Variants in COL21A1 observed in about 807,000 individuals in gnomAD.
The protein encoded by COL21A1 is collagen type XXI alpha 1 chain, also known as collagen alpha-1(XXI) chain.
In COL21A1, 149 loss-of-function variants were observed where a neutral mutation model predicts 137.9. That is an observed-to-expected ratio of 1.08 (90% CI 0.95 to 1.24). COL21A1 has a LOEUF of 1.24. Ranked by LOEUF, COL21A1 falls within the 50% of genes most tolerant of loss-of-function variation. COL21A1 has a pLI of 0.00. For missense variants in COL21A1, 1,167 were observed against 1,158.4 expected (o/e 1.01, Z -0.11); for synonymous variants, 456 against 391.5 (o/e 1.16, Z -1.95).
intron 19 of COL21A1, among the ~76,000 whole-genome samples, chr6:56,074,547 A>G (rs567843545): frequency 2.4e-4 from 37 of 151,570 alleles, no homozygotes; most frequent in Non-Finnish European, 4.6e-4. Context: ...AATAGAGAAA[A>G]TGGAGAGCTA....
At chr6:56,290,916 G>A (rs1435995428) in intron 1 of COL21A1, among the ~76,000 whole-genome samples, 1 of 152,168 alleles carries the variant, frequency 6.6e-6, no homozygotes, top group Non-Finnish European at 1.5e-5. Flanking sequence ...GCTCCCAGGT[G>A]ATTCAAATGT....
intron 1 of COL21A1, among the ~76,000 whole-genome samples, chr6:56,194,709 C>T (rs1045092630): frequency 6.6e-6 from 1 of 151,996 alleles, no homozygotes; most frequent in African/African-American, 2.4e-5. Flanking sequence ...TTTAGCATTC[C>T]CATATCTCAA....
chr6:56,309,446 A>G (rs1161870934), intron 1 of COL21A1, among the ~76,000 whole-genome samples: 1 of 152,156 alleles, frequency 6.6e-6, no homozygotes, highest in Non-Finnish European at 1.5e-5. Context: ...GTTTAGAGAG[A>G]GTGTCTTTGA....
chr6:56,097,731 A>C (rs923945695), intron 17 of COL21A1, among the ~76,000 whole-genome samples: 5 of 138,906 alleles, frequency 3.6e-5, no homozygotes, highest in Non-Finnish European at 7.6e-5. Flanking sequence ...GCATCTTCTA[A>C]GCACTCCTCA....
chr6:56,134,016 T>C (rs1773784364), intron 12 of COL21A1, among the ~76,000 whole-genome samples: 1 of 152,010 alleles, frequency 6.6e-6, no homozygotes, highest in Non-Finnish European at 1.5e-5. Flanking sequence ...GCCCCCAGAG[T>C]CCCTACTGGG....
intron 12 of COL21A1, among the ~76,000 whole-genome samples, chr6:56,130,183 A>ATTTATATATATATATATATATATATATT (rs1225329293): frequency 4.2e-5 from 1 of 23,862 alleles, no homozygotes; most frequent in African/African-American, 1.3e-4. Context: ...ATATATATAT[A>ATTTATATATATATATATATATATATATT]TATATATATA....
chr6:56,233,800 C>CAAA (rs60424635), intron 1 of COL21A1, among the ~76,000 whole-genome samples: 88 of 149,534 alleles, frequency 5.9e-4, no homozygotes, highest in Non-Finnish European at 7.4e-4. Flanking sequence ...AAGAATAGAG[C>CAAA]AAAAAAATCC....
At chr6:56,152,965 C>T (rs1775438185) in intron 10 of COL21A1, among the ~76,000 whole-genome samples, 2 of 152,236 alleles carry the variant, frequency 1.3e-5, no homozygotes, top group East Asian at 3.9e-4. Flanking sequence ...TAAAACTCAG[C>T]TCACCCAGTG....
intron 1 of COL21A1, among the ~76,000 whole-genome samples, chr6:56,354,318 A>T (rs986090835): frequency 6.6e-6 from 1 of 152,202 alleles, no homozygotes; most frequent in African/African-American, 2.4e-5. Context: ...TGCATATTCC[A>T]GCTATACTTT....
chr6:56,106,882 G>T (rs1292924651), intron 16 of COL21A1, among the ~76,000 whole-genome samples: 1 of 152,036 alleles, frequency 6.6e-6, no homozygotes, highest in East Asian at 1.9e-4. Context: ...CGCCTCCCGG[G>T]TTCACGCCAT....
chr6:56,225,008 G>A (rs935312626), intron 1 of COL21A1, among the ~76,000 whole-genome samples: 1 of 151,520 alleles, frequency 6.6e-6, no homozygotes, highest in Admixed American at 6.6e-5. Context: ...TAATAAACAG[G>A]GAAAGAAAAA....
intron 1 of COL21A1, among the ~76,000 whole-genome samples, chr6:56,298,842 A>G (rs1764217201): frequency 6.6e-6 from 1 of 152,144 alleles, no homozygotes; most frequent in African/African-American, 2.4e-5. Flanking sequence ...TATTCAATTT[A>G]AGAAATGCAA....
chr6:56,153,854 G>T (rs1164553018), intron 10 of COL21A1, among the ~76,000 whole-genome samples: 1 of 152,066 alleles, frequency 6.6e-6, no homozygotes, highest in African/African-American at 2.4e-5. Context: ...AGAGCCCTGT[G>T]GTCAGTCCCC....
chr6:56,219,216 C>CAAAAAAAAAAA lies in COL21A1; in HGVS notation c.-39+28160_-39+28170dup, dbSNP rs386407160. On this transcript the variant is annotated intron_variant, in intron 1 of 29. Transcript: ENST00000244728. ...GCACTTCCCAAAGCCAAACTTGCAC[C>CAAAAAAAAAAA]AAAAAAAAAAAAAAAAAAAAAAAGG... 5.2e-5 allele frequency among the ~76,000 whole-genome samples: 4 copies of CAAAAAAAAAAA among 76,496 alleles called. 1 individual carries two copies. Among genetic ancestry groups the CAAAAAAAAAAA allele is most frequent in the Admixed American group, 1.7e-4 (1 of 5,872 alleles). 50.2% of individuals were successfully genotyped at this position (76,496 alleles called of 152,430 possible). A position where few individuals can be genotyped will look rare whatever the true frequency, so the allele number is the denominator to read the frequency against.
chr6:56,148,891 TC>T (rs1775057253), intron 10 of COL21A1, among the ~76,000 whole-genome samples: 2 of 152,198 alleles, frequency 1.3e-5, no homozygotes, highest in Non-Finnish European at 2.9e-5. Flanking sequence ...GTTATACACT[TC>T]TGAATGAATT....
chr6:56,171,220 T>TTCTC, intron 3 of COL21A1, 92 bp from the exon 4 acceptor site: 1 of 756,252 alleles, frequency 1.3e-6, no homozygotes, highest in South Asian at 2.5e-5. Flanking sequence ...AATATAGTAT[T>TTCTC]CTATCATTAG....
intron 1 of COL21A1, among the ~76,000 whole-genome samples, chr6:56,186,403 T>C (rs1778305242): frequency 6.6e-6 from 1 of 152,122 alleles, no homozygotes; most frequent in African/African-American, 2.4e-5. Flanking sequence ...TCACATTGAG[T>C]TGTGAAATAC....
intron 1 of COL21A1, among the ~76,000 whole-genome samples, chr6:56,377,360 T>C (rs570519849): frequency 1.3e-5 from 2 of 152,092 alleles, no homozygotes; most frequent in South Asian, 2.1e-4. Context: ...TCTCCCCCAT[T>C]TTCCCCCTTC....
At chr6:56,345,477 T>C (rs1306606197) in intron 1 of COL21A1, among the ~76,000 whole-genome samples, 1 of 152,210 alleles carries the variant, frequency 6.6e-6, no homozygotes, top group Non-Finnish European at 1.5e-5. Flanking sequence ...TCAAGTAGCT[T>C]CTCTAAGATC....
Sources: gnomAD v4.1 joint callset for allele counts (sites outside exome capture counted in the v4.1 genomes callset) on GRCh38, gnomAD v4.1.1 for gene constraint, MANE v1.5 for transcripts, NCBI Gene and HGNC (gene_info 2026-07-23, HGNC 2026-07-21) for gene names.